The following PPP2R2B variants were observed in gnomAD, a reference collection of about 807,000 sequenced individuals.
PPP2R2B encodes the protein serine/threonine-protein phosphatase 2A 55 kDa regulatory subunit B beta isoform.
A neutral mutation model predicts 46.0 loss-of-function variants in PPP2R2B; 5 were observed. That is an observed-to-expected ratio of 0.11 (90% CI 0.06 to 0.23). The LOEUF is 0.23. Ranked by LOEUF, PPP2R2B falls within the 10% of genes least tolerant of loss-of-function variation. The pLI is 1.00. For synonymous variants in PPP2R2B, 215 were observed against 206.7 expected (o/e 1.04, Z -0.34); for missense variants, 367 against 575.0 (o/e 0.64, Z 3.70).
chr5:146,904,401 C>T (rs1762933651), intron 1 of PPP2R2B, among the ~76,000 whole-genome samples: 1 of 152,152 alleles, frequency 6.6e-6, no homozygotes. Context: ...TAGGCTTAGT[C>T]TAGAGATTAA....
intron 2 of PPP2R2B, among the ~76,000 whole-genome samples, chr5:146,808,459 A>C (rs970850254): frequency 6.6e-6 from 1 of 152,188 alleles, no homozygotes; most frequent in African/African-American, 2.4e-5. Context: ...TGAAAGCTCT[A>C]CTGTTAAATG....
At chr5:146,646,582 G>A (rs755664926) in intron 6 of PPP2R2B, among the ~76,000 whole-genome samples, 1 of 152,116 alleles carries the variant, frequency 6.6e-6, no homozygotes, top group Non-Finnish European at 1.5e-5. Flanking sequence ...CTCTGATCTG[G>A]TGCTAAACAC....
rs1775893656 is a variant in PPP2R2B at position 146,650,675 on chromosome 5, C to T, written c.497G>A (p.Arg166Lys). Reference sequence around the variant, plus strand: ...ATATGTGTGTGCGTTGGCAAATACTCTTCGTGGGGTGGCCTCCACCATCAG... The same window carrying T: ...ATATGTGTGTGCGTTGGCAAATACTTTTCGTGGGGTGGCCTCCACCATCAG... ...MDLMVEATPR[R>K]VFANAHTYHI... The change falls in exon 6 of 10, where the codon AGA becomes AAA. Residue 166 changes from arginine (R) to lysine (K), a missense_variant. Transcript: ENST00000394411. 5.0e-6 allele frequency: 8 copies of T among 1,613,970 alleles called. No individual in the cohort carries two copies. The highest frequency in any genetic ancestry group is 5.9e-6 in the Non-Finnish European group (7 of 1,179,932).
intron 1 of PPP2R2B, among the ~76,000 whole-genome samples, chr5:147,019,679 A>C (rs1434023814): frequency 6.6e-6 from 1 of 152,188 alleles, no homozygotes; most frequent in Non-Finnish European, 1.5e-5. Context: ...TCTACTACCA[A>C]AAATATAGCA....
chr5:146,661,522 G>A (rs1331109634), intron 5 of PPP2R2B, among the ~76,000 whole-genome samples: 1 of 151,910 alleles, frequency 6.6e-6, no homozygotes, highest in Non-Finnish European at 1.5e-5. Context: ...ATATTTGAAA[G>A]ACTTATCCCC....
At chr5:146,873,773 G>C (rs1358221246) in intron 2 of PPP2R2B, among the ~76,000 whole-genome samples, 1 of 152,100 alleles carries the variant, frequency 6.6e-6, no homozygotes, top group Admixed American at 6.5e-5. Flanking sequence ...ACCATGGCTG[G>C]CCAGTGACTA....
chr5:146,968,547 G>A (rs990898148), intron 1 of PPP2R2B, among the ~76,000 whole-genome samples: 11 of 152,144 alleles, frequency 7.2e-5, no homozygotes, highest in East Asian at 1.9e-4. Context: ...TGTCAGTGTC[G>A]TCTGTTAATG....
At chr5:146,882,316 T>C (rs1300080102), upstream of PPP2R2B, among the ~76,000 whole-genome samples, 2 of 152,032 alleles carry the variant, frequency 1.3e-5, no homozygotes, top group Admixed American at 1.3e-4. Flanking sequence ...TATAGATTTA[T>C]ATAAAACAGA....
intron 7 of PPP2R2B, among the ~76,000 whole-genome samples, chr5:146,626,020 A>G (rs1774034622): frequency 6.6e-6 from 1 of 152,190 alleles, no homozygotes; most frequent in East Asian, 1.9e-4. Context: ...ATTCCCCCCT[A>G]GAGCCTCTAG....
chr5:146,937,299 T>G (rs1161607688), intron 1 of PPP2R2B, among the ~76,000 whole-genome samples: 1 of 147,688 alleles, frequency 6.8e-6, no homozygotes, highest in African/African-American at 2.5e-5. Context: ...AGACTCCGTC[T>G]CAGAAAAAAA....
chr5:146,987,091 G>A (rs1010973138), intron 1 of PPP2R2B, among the ~76,000 whole-genome samples: 1 of 152,126 alleles, frequency 6.6e-6, no homozygotes, highest in Non-Finnish European at 1.5e-5. Context: ...GTCCAGAAGG[G>A]AGTGAAATGA....
At chr5:146,624,503 C>A (rs910154737) in intron 7 of PPP2R2B, among the ~76,000 whole-genome samples, 9 of 152,182 alleles carry the variant, frequency 5.9e-5, no homozygotes, top group Non-Finnish European at 1.2e-4. Context: ...CTGTCACCAT[C>A]TTAGTCTAAG....
At chr5:146,681,406 A>G (rs1483019131) in intron 5 of PPP2R2B, among the ~76,000 whole-genome samples, 1 of 152,160 alleles carries the variant, frequency 6.6e-6, no homozygotes, top group Non-Finnish European at 1.5e-5. Flanking sequence ...GCACCCACAC[A>G]TGCACGTGTA....
intron 2 of PPP2R2B, among the ~76,000 whole-genome samples, chr5:146,836,039 T>C (rs1395410387): frequency 6.6e-6 from 1 of 152,204 alleles, no homozygotes; most frequent in African/African-American, 2.4e-5. Context: ...GTGATATATA[T>C]ATGTAATAAT....
intron 2 of PPP2R2B, among the ~76,000 whole-genome samples, chr5:147,069,407 C>T (rs1757508029): frequency 6.6e-6 from 1 of 152,186 alleles, no homozygotes; most frequent in African/African-American, 2.4e-5. Flanking sequence ...CAGAGTACTT[C>T]CATCCTTAGA....
rs760797178 is a variant in PPP2R2B at position 147,025,613 on chromosome 5, C to T, written c.79+30052G>A. Among the ~76,000 whole-genome samples, 18 of 151,742 alleles carry T rather than the reference C, an allele frequency of 1.2e-4. 1 individual carries two copies. In the South Asian group the frequency reaches 1.9e-3, roughly 16 times the overall value. On this transcript the variant is annotated intron_variant, in intron 1 of 8. Transcript: ENST00000336640. The stretch of plus-strand genomic sequence containing the variant: ...AAAACTTCTGCTATGTAAAAGATAC[C>T]GTGAAGAGAATGAAAAGATAAACCA...
chr5:146,886,368 T>TAAATAAATA (rs1554073303), intron 1 of PPP2R2B, among the ~76,000 whole-genome samples: 1 of 149,906 alleles, frequency 6.7e-6, no homozygotes, highest in South Asian at 2.1e-4. Context: ...AATAAATAAA[T>TAAATAAATA]AATAAAACTA....
intron 2 of PPP2R2B, among the ~76,000 whole-genome samples, chr5:147,061,882 C>T (rs1757269459): frequency 6.6e-6 from 1 of 151,996 alleles, no homozygotes; most frequent in Non-Finnish European, 1.5e-5. Context: ...TCTCATAGTA[C>T]CTAGAAAGAG....
In PPP2R2B at chr5:146,695,196, A is replaced by G. The variant is rs140122351; in HGVS notation, c.334+2783T>C. Among the ~76,000 whole-genome samples, 1,066 of 152,258 alleles carry G rather than the reference A, an allele frequency of 7.0e-3. 13 individuals carry two copies. Among genetic ancestry groups the G allele is most frequent in the African/African-American group, 0.024 (1,008 of 41,572 alleles). ...TCATATTTCCATTAAGAAACAAACAAATTTATTTGTATCTTTTTGCTTTTT... is the reference window on the plus strand; with the variant it reads ...TCATATTTCCATTAAGAAACAAACAGATTTATTTGTATCTTTTTGCTTTTT... On this transcript the variant is annotated intron_variant, in intron 4 of 9. Transcript: ENST00000394411.
Sources: allele counts gnomAD v4.1 joint callset (sites outside exome capture counted in the v4.1 genomes callset), GRCh38; gene constraint gnomAD v4.1.1; transcripts MANE v1.5; gene names NCBI Gene and HGNC (gene_info 2026-07-23, HGNC 2026-07-21).